LYPD6B: variants seen among roughly 807,000 people sequenced by gnomAD.
The protein encoded by LYPD6B is ly6/PLAUR domain-containing protein 6B.
In LYPD6B, 17 loss-of-function variants were observed where a neutral mutation model predicts 22.8. The ratio of observed to expected loss-of-function variants is 0.75; its 90% CI spans 0.51 to 1.12. The LOEUF is 1.12. Among genes scored for constraint, LYPD6B ranks in the 50% most tolerant of loss-of-function variants. The pLI is 0.00. For missense variants in LYPD6B, 221 were observed against 258.3 expected, an observed-to-expected ratio of 0.86 and a Z score of 0.99; for synonymous variants, 106 against 91.6, an observed-to-expected ratio of 1.16 and a Z score of -0.90.
chr2:149,112,955 A>G (rs952764174), intron 1 of LYPD6B, among the ~76,000 whole-genome samples: 1 of 152,142 alleles, frequency 6.6e-6, no homozygotes, highest in African/African-American at 2.4e-5. Context: ...GGTGATATGT[A>G]TTTTTTCTGC....
chr2:149,116,922 A>C (rs955162469), intron 1 of LYPD6B, among the ~76,000 whole-genome samples: 3 of 152,112 alleles, frequency 2.0e-5, no homozygotes, highest in Non-Finnish European at 4.4e-5. Flanking sequence ...AGAAGCTTCT[A>C]GTTTCCCCCC....
intron 3 of LYPD6B, among the ~76,000 whole-genome samples, chr2:149,199,836 G>A (rs1693043874): frequency 6.6e-6 from 1 of 152,202 alleles, no homozygotes; most frequent in Admixed American, 6.5e-5. Context: ...GGAAGGTTAG[G>A]AACTGAAGCC....
At chr2:149,181,666 C>T (rs1356679261) in intron 3 of LYPD6B, among the ~76,000 whole-genome samples, 2 of 152,198 alleles carry the variant, frequency 1.3e-5, no homozygotes, top group Admixed American at 6.5e-5. Context: ...CTTTCTGAAT[C>T]CTCCATGGAT....
At chr2:149,069,069 C>G (rs996218179) in intron 1 of LYPD6B, among the ~76,000 whole-genome samples, 16 of 149,888 alleles carry the variant, frequency 1.1e-4, no homozygotes, top group Admixed American at 7.3e-4. Flanking sequence ...CCCCGAAGTT[C>G]TTTATTATGT....
intron 2 of LYPD6B, among the ~76,000 whole-genome samples, chr2:149,150,365 A>G (rs390606): frequency 0.65 from 98,552 of 151,828 alleles, 32,135 homozygotes; most frequent in South Asian, 0.76. Context: ...CTTCATGTGC[A>G]TCTTTTAATA....
At chr2:149,141,490 A>C (rs1688691488) in intron 2 of LYPD6B, among the ~76,000 whole-genome samples, 1 of 152,218 alleles carries the variant, frequency 6.6e-6, no homozygotes, top group African/African-American at 2.4e-5. Flanking sequence ...GCCATTCAAC[A>C]TTTTGCATTC....
rs73963338 is a variant in LYPD6B at position 149,085,566 on chromosome 2, T to C, written c.-66-45317T>C. Reference sequence around the variant, plus strand: ...TGACAAGTTCTGCTTGCATAAGAGTTGAGTCCTTTAAAGTAGTTTCTTAAC... The same window carrying C: ...TGACAAGTTCTGCTTGCATAAGAGTCGAGTCCTTTAAAGTAGTTTCTTAAC... On this transcript the variant is annotated intron_variant, in intron 1 of 6. Transcript: ENST00000409642. Among the ~76,000 whole-genome samples, 1,092 of 152,320 alleles carry C rather than the reference T, an allele frequency of 7.2e-3. 18 individuals are homozygous for C. The highest frequency in any genetic ancestry group is 0.023 in the African/African-American group (955 of 41,560).
intron 1 of LYPD6B, among the ~76,000 whole-genome samples, chr2:149,108,531 T>C (rs1288638643): frequency 6.6e-6 from 1 of 152,228 alleles, no homozygotes. Context: ...GTTTGTTGAC[T>C]AGTGACAGAA....
chr2:149,149,650 G>T (rs896378733), intron 2 of LYPD6B, among the ~76,000 whole-genome samples: 3 of 152,316 alleles, frequency 2.0e-5, no homozygotes, highest in Non-Finnish European at 4.4e-5. Context: ...CATAACGTGT[G>T]TTCCTTGATT....
intron 1 of LYPD6B, among the ~76,000 whole-genome samples, chr2:149,054,112 A>G (rs1683684642): frequency 6.6e-6 from 1 of 152,240 alleles, no homozygotes; most frequent in Admixed American, 6.5e-5. Context: ...TTGCATATAC[A>G]ATTAGGAGTA....
At chr2:149,162,175 T>C (rs1690107730) in intron 3 of LYPD6B, among the ~76,000 whole-genome samples, 1 of 152,164 alleles carries the variant, frequency 6.6e-6, no homozygotes, top group African/African-American at 2.4e-5. Context: ...ATCACCGTGG[T>C]GATAAAATGT....
At chr2:149,131,085 G>T (rs1687999781) in intron 2 of LYPD6B, 132 bp downstream of exon 2, 1 of 661,302 alleles carries the variant, frequency 1.5e-6, no homozygotes, top group East Asian at 2.7e-5. Context: ...TAATCTCAGG[G>T]ATTATGCTGC....
intron 3 of LYPD6B, among the ~76,000 whole-genome samples, chr2:149,170,743 T>C (rs1003058233): frequency 2.6e-5 from 4 of 152,214 alleles, no homozygotes; most frequent in African/African-American, 4.8e-5. Flanking sequence ...TGTGGGTTAA[T>C]AGAAAATCCT....
At position 149,057,798 on chromosome 2, in the gene LYPD6B, C is replaced by T. The variant is rs1375640174; in HGVS notation, c.-67+18997C>T. ...GGATCCTGAGAAAGTTGCAGGTCAT[C>T]GCAAGCCTCTGATTATTTGACCGTT... On this transcript the variant is annotated intron_variant, in intron 1 of 6. Coordinates refer to ENST00000409642, the MANE Select transcript of LYPD6B (RefSeq NM_177964.5). 2.6e-5 allele frequency among the ~76,000 whole-genome samples: 4 copies of T among 152,250 alleles called. No homozygotes were observed. In the South Asian group the frequency reaches 6.2e-4, roughly 24 times the overall value.
intron 1 of LYPD6B, among the ~76,000 whole-genome samples, chr2:149,050,559 A>G (rs1356352710): frequency 6.6e-6 from 1 of 152,238 alleles, no homozygotes; most frequent in Non-Finnish European, 1.5e-5. Flanking sequence ...TTAGTAAGGT[A>G]TGGGAACCAC....
At chr2:149,105,493 A>G (rs1335747500) in intron 1 of LYPD6B, among the ~76,000 whole-genome samples, 2 of 152,190 alleles carry the variant, frequency 1.3e-5, no homozygotes, top group Non-Finnish European at 2.9e-5. Flanking sequence ...TGTTTCAGCA[A>G]TGTTGTGTAG....
chr2:149,065,102 T>G (rs2105334704), intron 1 of LYPD6B, among the ~76,000 whole-genome samples: 1 of 152,302 alleles, frequency 6.6e-6, no homozygotes, highest in Non-Finnish European at 1.5e-5. Context: ...AAGTTCACCC[T>G]CCCTCCCTCT....
At chr2:149,129,409 C>A (rs766339124) in intron 1 of LYPD6B, among the ~76,000 whole-genome samples, 1 of 152,152 alleles carries the variant, frequency 6.6e-6, no homozygotes, top group Non-Finnish European at 1.5e-5. Flanking sequence ...CTAGGCTAAC[C>A]TCTGAATATG....
rs1465010452 is a variant in LYPD6B at position 149,068,003 on chromosome 2, GT to G, written c.-67+29203del. Among the ~76,000 whole-genome samples the G allele has an allele frequency of 3.9e-5, 6 of 152,180 alleles. No homozygotes were observed. The East Asian group carries it at 1.2e-3, about 29-fold the overall frequency. On this transcript the variant is annotated intron_variant, in intron 1 of 6. Transcript: ENST00000409642. ...CAACAGAAAGTCCTGTTTTTCTAAG[GT>G]GAGTGGGGAACACCTCACCACTGTG... is the stretch of plus-strand genomic sequence containing the variant.
Sources: allele counts gnomAD v4.1 joint callset (sites outside exome capture counted in the v4.1 genomes callset), GRCh38; gene constraint gnomAD v4.1.1; transcripts MANE v1.5; gene names NCBI Gene and HGNC (gene_info 2026-07-23, HGNC 2026-07-21).